EBF3: variants seen among roughly 807,000 people sequenced by gnomAD.
EBF3 encodes the protein EBF transcription factor 3.
Under a neutral mutation model 77.1 loss-of-function variants are expected in EBF3, and 18 were observed. That is an observed-to-expected ratio of 0.23 (90% CI 0.16 to 0.35). The LOEUF (loss-of-function observed/expected upper bound fraction) is 0.35, where lower values mean the gene tolerates loss of function less well. EBF3 is among the 10% of genes least tolerant of loss of function. EBF3 has a pLI of 1.00. For synonymous variants in EBF3, 350 were observed against 343.5 expected (o/e 1.02, Z -0.21); for missense variants, 558 against 860.0 (o/e 0.65, Z 4.39).
intron 6 of EBF3, among the ~76,000 whole-genome samples, chr10:129,914,243 T>C (rs1021330030): frequency 6.6e-6 from 1 of 152,114 alleles, no homozygotes; most frequent in African/African-American, 2.4e-5. Flanking sequence ...CCGAGGCGGC[T>C]GAGGAGGGCA....
At chr10:129,907,597 T>C (rs899594010) in intron 6 of EBF3, among the ~76,000 whole-genome samples, 1 of 152,202 alleles carries the variant, frequency 6.6e-6, no homozygotes, top group Non-Finnish European at 1.5e-5. Flanking sequence ...AGCACCAAGA[T>C]GCCTCGAAAT....
At chr10:129,912,708 C>A (rs950094861) in intron 6 of EBF3, among the ~76,000 whole-genome samples, 5 of 152,204 alleles carry the variant, frequency 3.3e-5, no homozygotes, top group African/African-American at 1.2e-4. Flanking sequence ...ATTCTTCTGA[C>A]AACAGTGCTC....
chr10:129,858,110 G>A (rs2134023511), intron 10 of EBF3, among the ~76,000 whole-genome samples: 1 of 152,348 alleles, frequency 6.6e-6, no homozygotes, highest in East Asian at 1.9e-4. Flanking sequence ...TGGTGCCACA[G>A]CAAAGCCAGG....
At chr10:129,876,363 C>G (rs1852771282) in intron 7 of EBF3, among the ~76,000 whole-genome samples, 1 of 152,224 alleles carries the variant, frequency 6.6e-6, no homozygotes, top group African/African-American at 2.4e-5. Flanking sequence ...AAAGAGGACA[C>G]AGCCCCTCAG....
chr10:129,921,384 T>A (rs1856296141), intron 6 of EBF3, among the ~76,000 whole-genome samples: 1 of 152,100 alleles, frequency 6.6e-6, no homozygotes, highest in Admixed American at 6.5e-5. Flanking sequence ...CTGGATGTTG[T>A]CAGATGTCAC....
chr10:129,846,591 T>C (rs1850483176), intron 11 of EBF3, among the ~76,000 whole-genome samples: 1 of 151,920 alleles, frequency 6.6e-6, no homozygotes, highest in African/African-American at 2.4e-5. Context: ...CAATTGCTGT[T>C]TTACTTAGGA....
intron 9 of EBF3, 126 bp from the exon 10 acceptor site, chr10:129,867,393 G>A: frequency 7.0e-7 from 1 of 1,424,148 alleles, no homozygotes. Flanking sequence ...CCCCCTCCTA[G>A]CTGTCACCCA....
At chr10:129,922,816 G>A (rs1389390158) in intron 6 of EBF3, among the ~76,000 whole-genome samples, 1 of 152,210 alleles carries the variant, frequency 6.6e-6, no homozygotes, top group Non-Finnish European at 1.5e-5. Flanking sequence ...CCAGCACACA[G>A]CCAGGGGGCT....
rs372988875 is a variant in EBF3, at chr10:129,963,143, C to T, written c.292-138G>A. On this transcript the variant is annotated intron_variant, in intron 2 of 16. Coordinates refer to ENST00000440978, the MANE Select transcript of EBF3 (RefSeq NM_001375380.1). The surrounding 1 kb of genome is among the most constrained non-coding windows in gnomAD (Gnocchi z 7.1). Reference sequence around the variant, plus strand: ...AGCTCGAAGCAGCGCGGTGATGTCACTTTCCTGCTGGAAGCCCAGCGTTCT... The same window carrying T: ...AGCTCGAAGCAGCGCGGTGATGTCATTTTCCTGCTGGAAGCCCAGCGTTCT... 8 of 1,259,694 alleles carry T rather than the reference C, an allele frequency of 6.4e-6. No homozygotes were observed. Among genetic ancestry groups the T allele is most frequent in the Non-Finnish European group, 8.0e-6 (7 of 877,786 alleles). The allele number at this position is 1,259,694 out of a possible 1,614,324, so 78.0% of individuals were successfully genotyped here.
At chr10:129,883,335 G>A (rs1329977881) in intron 6 of EBF3, among the ~76,000 whole-genome samples, 3 of 152,210 alleles carry the variant, frequency 2.0e-5, no homozygotes, top group Non-Finnish European at 2.9e-5. Context: ...ACAGCCTCCC[G>A]TGCCTGGGTT....
At position 129,897,360 on chromosome 10, in the gene EBF3, A is replaced by T. The variant is rs1308775082; in HGVS notation, c.555-19511T>A. On this transcript the variant is annotated intron_variant, in intron 6 of 16. Coordinates refer to ENST00000440978, the MANE Select transcript of EBF3 (RefSeq NM_001375380.1). The surrounding 1 kb of genome is among the most constrained non-coding windows in gnomAD (Gnocchi z 4.6). ...TTGGGGGTACACCAGTGGCCCCAGG[A>T]CCTTTGTGGAACCAGAGCAGAGCCC... Among the ~76,000 whole-genome samples the T allele has an allele frequency of 1.3e-5, 2 of 151,948 alleles. No individual in the cohort carries two copies. Among genetic ancestry groups the T allele is most frequent in the Non-Finnish European group, 2.9e-5 (2 of 67,984 alleles).
intron 6 of EBF3, among the ~76,000 whole-genome samples, chr10:129,915,915 A>C (rs932188792): frequency 7.2e-5 from 11 of 152,066 alleles, no homozygotes; most frequent in Non-Finnish European, 1.5e-4. Context: ...GGAGACGGGG[A>C]GGGTGCACTG....
intron 10 of EBF3, among the ~76,000 whole-genome samples, chr10:129,855,882 T>C (rs371737794): frequency 1.1e-3 from 166 of 152,324 alleles, no homozygotes; most frequent in African/African-American, 3.6e-3. Context: ...CTCTGAGCAA[T>C]GGATTTGCAC....
intron 6 of EBF3, among the ~76,000 whole-genome samples, chr10:129,926,507 A>G: frequency 6.6e-6 from 1 of 152,168 alleles, no homozygotes; most frequent in East Asian, 1.9e-4. Context: ...TGGACCACTC[A>G]GCCCAAAGCA....
At chr10:129,920,349 G>C (rs535404082) in intron 6 of EBF3, among the ~76,000 whole-genome samples, 1 of 150,744 alleles carries the variant, frequency 6.6e-6, no homozygotes, top group Non-Finnish European at 1.5e-5. Context: ...CCACAAACCC[G>C]CCCCGCTGTG....
chr10:129,913,679 C>T (rs150807960), intron 6 of EBF3, among the ~76,000 whole-genome samples: 14 of 152,310 alleles, frequency 9.2e-5, no homozygotes, highest in South Asian at 8.3e-4. Context: ...GGAGGTGCTA[C>T]GAATGCTAGA....
intron 10 of EBF3, among the ~76,000 whole-genome samples, chr10:129,851,418 C>G (rs1850872366): frequency 6.6e-6 from 1 of 152,190 alleles, no homozygotes. Flanking sequence ...AATTTATTCC[C>G]AGGAATTGTT....
intron 6 of EBF3, among the ~76,000 whole-genome samples, chr10:129,950,363 G>C (rs971003225): frequency 2.6e-5 from 4 of 152,206 alleles, no homozygotes; most frequent in Non-Finnish European, 2.9e-5. Context: ...AACTTCCAGC[G>C]AAGGAATTGG....
In EBF3 at chr10:129,848,352, G is replaced by A. The variant is rs1329451383; in HGVS notation, c.1128+40C>T. On this transcript the variant is annotated intron_variant, in intron 11 of 16. Coordinates refer to ENST00000440978, the MANE Select transcript of EBF3 (RefSeq NM_001375380.1). This position sits in a 1 kb window ranked among gnomAD's most constrained non-coding sequence, Gnocchi z 4.4. ...CCAAACCAGAACCAGCCCAGTGGCG[G>A]CCCCACCATGAGCGGGGTGCCACTT... 1.3e-6 allele frequency: 2 copies of A among 1,590,034 alleles called. No homozygotes were observed. Among genetic ancestry groups the A allele is most frequent in the African/African-American group, 2.7e-5 (2 of 74,436 alleles).
Sources: gnomAD v4.1 joint callset for allele counts (sites outside exome capture counted in the v4.1 genomes callset) on GRCh38, gnomAD v4.1.1 for gene constraint, Gnocchi (gnomAD v3.1) non-coding constraint, MANE v1.5 for transcripts, NCBI Gene and HGNC (gene_info 2026-07-23, HGNC 2026-07-21) for gene names.